RUNDC3B: variants seen among roughly 807,000 people sequenced by gnomAD.
RUNDC3B encodes RUN domain-containing protein 3B.
RUNDC3B carries 33 observed loss-of-function variants against 58.4 expected under a neutral mutation model. The ratio of observed to expected loss-of-function variants is 0.56; its 90% CI spans 0.43 to 0.75. The LOEUF (loss-of-function observed/expected upper bound fraction) is 0.75. RUNDC3B is among the 30% of genes least tolerant of loss of function. The pLI, the probability that RUNDC3B is intolerant of heterozygous loss-of-function variation, is 0.00. For synonymous variants in RUNDC3B, 193 were observed against 195.2 expected, an observed-to-expected ratio of 0.99 and a Z score of 0.10; for missense variants, 501 against 535.7, an observed-to-expected ratio of 0.94 and a Z score of 0.64.
intron 6 of RUNDC3B, among the ~76,000 whole-genome samples, chr7:87,747,960 A>G (rs1243246924): frequency 6.6e-6 from 1 of 152,032 alleles, no homozygotes; most frequent in Non-Finnish European, 1.5e-5. Context: ...TGGAGTCTGC[A>G]CACTGGATTT....
At chr7:87,725,161 T>TA (rs1748089807) in intron 4 of RUNDC3B, among the ~76,000 whole-genome samples, 1 of 152,190 alleles carries the variant, frequency 6.6e-6, no homozygotes, top group Non-Finnish European at 1.5e-5. Flanking sequence ...TACATATGTA[T>TA]ACATGTGGCA....
intron 6 of RUNDC3B, among the ~76,000 whole-genome samples, chr7:87,767,167 C>T (rs894598838): frequency 1.3e-5 from 2 of 151,942 alleles, no homozygotes; most frequent in African/African-American, 4.8e-5. Context: ...GTGTTGTTTC[C>T]CAACCTTCTC....
At chr7:87,791,031 G>A (rs1333102439) in intron 8 of RUNDC3B, among the ~76,000 whole-genome samples, 1 of 152,092 alleles carries the variant, frequency 6.6e-6, no homozygotes, top group African/African-American at 2.4e-5. Flanking sequence ...AGACTACCTT[G>A]AAGCATTTAA....
At chr7:87,749,162 G>A (rs1832816809) in intron 6 of RUNDC3B, among the ~76,000 whole-genome samples, 2 of 152,146 alleles carry the variant, frequency 1.3e-5, no homozygotes, top group African/African-American at 2.4e-5. Context: ...GCTGTATTCA[G>A]TGATTTAGGA....
chr7:87,799,468 A>G (rs1402370194), intron 8 of RUNDC3B, among the ~76,000 whole-genome samples: 1 of 152,128 alleles, frequency 6.6e-6, no homozygotes. Flanking sequence ...TTCCATTAAC[A>G]TAAAATTCTA....
chr7:87,729,875 T>G (rs1385932146), intron 4 of RUNDC3B, among the ~76,000 whole-genome samples: 2 of 152,090 alleles, frequency 1.3e-5, no homozygotes, highest in African/African-American at 4.8e-5. Flanking sequence ...TATTGAAACT[T>G]GGACATCAGC....
At chr7:87,709,446 A>G (rs1394252196) in intron 3 of RUNDC3B, 2 of 985,226 alleles carry the variant, frequency 2.0e-6, no homozygotes, top group Non-Finnish European at 2.4e-6. Flanking sequence ...AGGTTCCCCT[A>G]GGCTTACTCA....
chr7:87,825,158 C>T (rs1837730591), intron 10 of RUNDC3B, among the ~76,000 whole-genome samples: 1 of 151,798 alleles, frequency 6.6e-6, no homozygotes, highest in South Asian at 2.1e-4. Context: ...GGAGGTGGAG[C>T]TTGCAGTGAG....
At chr7:87,694,771 C>T (rs767520418) in intron 2 of RUNDC3B, among the ~76,000 whole-genome samples, 2 of 152,100 alleles carry the variant, frequency 1.3e-5, no homozygotes, top group Non-Finnish European at 2.9e-5. Context: ...AAAAACAAAA[C>T]GTTTGTTCTC....
chr7:87,675,653 C>CAAAAAAAAAA (rs200136132), intron 2 of RUNDC3B, among the ~76,000 whole-genome samples: 2 of 65,852 alleles, frequency 3.0e-5, no homozygotes, highest in African/African-American at 5.8e-5. Context: ...TATTCACATG[C>CAAAAAAAAAA]AAAAAAAAAA....
intron 8 of RUNDC3B, among the ~76,000 whole-genome samples, chr7:87,788,925 A>G (rs2130903001): frequency 6.6e-6 from 1 of 152,308 alleles, no homozygotes; most frequent in East Asian, 1.9e-4. Context: ...TTGCCCAAGT[A>G]GTTGAGAATA....
intron 1 of RUNDC3B, among the ~76,000 whole-genome samples, chr7:87,637,484 G>C (rs993982925): frequency 6.6e-6 from 1 of 151,978 alleles, no homozygotes; most frequent in Non-Finnish European, 1.5e-5. Context: ...GCTTGCACTG[G>C]TACTATAAAT....
rs1203159842 is a variant in RUNDC3B, at chr7:87,732,519, T to C, written c.459-7272T>C. On this transcript the variant is annotated intron_variant, in intron 4 of 10. Transcript: ENST00000394654. ...GAGCCAAGGAACAAAGAAGGCCACA[T>C]TGGGCACCAGATATTGCAGGATCTG... Among the ~76,000 whole-genome samples, 6 of 152,226 alleles carry C rather than the reference T, an allele frequency of 3.9e-5. No homozygotes were observed. The East Asian group carries it at 7.7e-4, about 20-fold the overall frequency.
chr7:87,813,605 A>C (rs2130945313), intron 9 of RUNDC3B, among the ~76,000 whole-genome samples: 2 of 152,076 alleles, frequency 1.3e-5, no homozygotes, highest in South Asian at 4.1e-4. Flanking sequence ...TATTGGGCAC[A>C]AAAAAAATAA....
chr7:87,673,820 C>G (rs1826062043), intron 2 of RUNDC3B, among the ~76,000 whole-genome samples: 1 of 152,180 alleles, frequency 6.6e-6, no homozygotes, highest in Admixed American at 6.5e-5. Context: ...TGTGCTGGTT[C>G]TTTCTCATGT....
chr7:87,728,797 C>T lies in RUNDC3B; in HGVS notation c.459-10994C>T, dbSNP rs182140699. Among the ~76,000 whole-genome samples the T allele has an allele frequency of 9.4e-4, 143 of 152,254 alleles. 2 individuals are homozygous for T. Among genetic ancestry groups the T allele is most frequent in the African/African-American group, 3.4e-3 (140 of 41,550 alleles). On this transcript the variant is annotated intron_variant, in intron 4 of 10. Coordinates refer to ENST00000394654, the MANE Select transcript of RUNDC3B (RefSeq NM_001134405.2). ...ATGCTACCTACTACATCTTTTCTAC[C>T]TAAAAAATTGGTAGTCATTCCTCCT... is the stretch of plus-strand genomic sequence containing the variant.
chr7:87,638,375 G>A (rs1200151180), intron 1 of RUNDC3B, among the ~76,000 whole-genome samples: 1 of 151,580 alleles, frequency 6.6e-6, no homozygotes, highest in African/African-American at 2.4e-5. Context: ...GTGTGTGTGT[G>A]TGTGTTTCCT....
At chr7:87,729,990 C>T (rs1272624647) in intron 4 of RUNDC3B, among the ~76,000 whole-genome samples, 1 of 152,146 alleles carries the variant, frequency 6.6e-6, no homozygotes, top group Admixed American at 6.5e-5. Flanking sequence ...AGAAGGGTAC[C>T]CATTGCCTTG....
At chr7:87,813,474 A>G (rs1836836566) in intron 9 of RUNDC3B, among the ~76,000 whole-genome samples, 1 of 152,118 alleles carries the variant, frequency 6.6e-6, no homozygotes, top group African/African-American at 2.4e-5. Flanking sequence ...TACTGTTTGT[A>G]ACTATTTCTA....
Sources: allele counts gnomAD v4.1 joint callset (sites outside exome capture counted in the v4.1 genomes callset), GRCh38; gene constraint gnomAD v4.1.1; transcripts MANE v1.5; gene names NCBI Gene and HGNC (gene_info 2026-07-23, HGNC 2026-07-21).